GYS2: variants seen among roughly 807,000 people sequenced by gnomAD.
The protein encoded by GYS2 is glycogen [starch] synthase, liver.
In GYS2, 80 loss-of-function variants were observed where a neutral mutation model predicts 85.6. The ratio of observed to expected loss-of-function variants is 0.93; its 90% CI spans 0.78 to 1.13. The LOEUF (loss-of-function observed/expected upper bound fraction) is 1.13, where lower values mean the gene tolerates loss of function less well. Ranked by LOEUF, GYS2 falls within the 50% of genes most tolerant of loss-of-function variation. GYS2 has a pLI of 0.00. For synonymous variants in GYS2, 328 were observed against 300.7 expected, an observed-to-expected ratio of 1.09 and a Z score of -0.94; for missense variants, 881 against 854.9, an observed-to-expected ratio of 1.03 and a Z score of -0.38.
At chr12:21,578,403 A>C (rs1451522499) in intron 2 of GYS2, among the ~76,000 whole-genome samples, 4 of 152,160 alleles carry the variant, frequency 2.6e-5, no homozygotes, top group Non-Finnish European at 5.9e-5. Context: ...GGTCAAATTA[A>C]ACAACACTGG....
intron 11 of GYS2, among the ~76,000 whole-genome samples, chr12:21,552,875 T>C (rs1245968315): frequency 6.6e-6 from 1 of 152,190 alleles, no homozygotes; most frequent in Non-Finnish European, 1.5e-5. Context: ...ATAAAACGTC[T>C]TACCAAATCC....
chr12:21,539,301 G>A lies in GYS2; in HGVS notation c.1847C>T (p.Ala616Val), dbSNP rs988648352. The A allele has an allele frequency of 4.4e-6, 7 of 1,606,534 alleles. No individual in the cohort carries two copies. Among genetic ancestry groups the A allele is most frequent in the Admixed American group, 1.7e-5 (1 of 59,984 alleles). ...QHARHLTLSR[A>V]FPDKFHVELT... is the part of the protein sequence containing the mutation. ...TTCCACATGGAATTTATCTGGAAAAGCTCTGCTTAATGTCAGGTGTCTGGC... is the reference window on the plus strand; with the variant it reads ...TTCCACATGGAATTTATCTGGAAAAACTCTGCTTAATGTCAGGTGTCTGGC... The change falls in exon 15 of 16, where the codon GCT becomes GTT. Residue 616 changes from alanine to valine, a missense_variant. Transcript: ENST00000261195.
intron 11 of GYS2, among the ~76,000 whole-genome samples, chr12:21,548,711 TAA>T (rs1363310737): frequency 6.6e-6 from 1 of 152,118 alleles, no homozygotes; most frequent in Non-Finnish European, 1.5e-5. Context: ...GCTGTGAACC[TAA>T]AACTGTTCTA....
chr12:21,545,931 T>C (rs926917528), intron 12 of GYS2, among the ~76,000 whole-genome samples: 5 of 152,230 alleles, frequency 3.3e-5, no homozygotes, highest in Admixed American at 2.6e-4. Context: ...AAAAGAATTA[T>C]TCTAAAATAA....
Position 21,558,272 on chromosome 12 carries a change from A to G in GYS2, c.1350T>C (p.Asp450=), listed in dbSNP as rs1176341942. 6.2e-7 allele frequency: 1 copy of G among 1,613,900 alleles called. No individual in the cohort carries two copies. The highest frequency in any genetic ancestry group is 8.5e-7 in the Non-Finnish European group (1 of 1,179,888). ...LPPVTTHNMI[D]DSTDPILSTI... ...TGCTGAGGATGGGGTCGGTGGAGTC[A>G]TCAATCATGTTGTGCGTGGTCACTG... The change falls in exon 11 of 16, where the codon GAT becomes GAC. Residue 450 remains aspartate (D), a synonymous_variant. Coordinates refer to ENST00000261195, the MANE Select transcript of GYS2 (RefSeq NM_021957.4).
intron 1 of GYS2, among the ~76,000 whole-genome samples, chr12:21,592,236 AAAAAC>A (rs1171515752): frequency 2.0e-5 from 3 of 152,042 alleles, no homozygotes; most frequent in Non-Finnish European, 4.4e-5. Context: ...AAACTAAAAA[AAAAAC>A]AAAACAACCA....
intron 11 of GYS2, among the ~76,000 whole-genome samples, chr12:21,547,526 C>T: frequency 6.6e-6 from 1 of 152,110 alleles, no homozygotes; most frequent in East Asian, 1.9e-4. Flanking sequence ...TCTGAAAATA[C>T]TACATGATGT....
chr12:21,590,424 C>T (rs1176488690), intron 1 of GYS2, among the ~76,000 whole-genome samples: 1 of 152,226 alleles, frequency 6.6e-6, no homozygotes, highest in Non-Finnish European at 1.5e-5. Flanking sequence ...GATGGGCCTA[C>T]CCAATCTGCC....
intron 7 of GYS2, among the ~76,000 whole-genome samples, chr12:21,561,610 C>G (rs1002346414): frequency 2.0e-5 from 3 of 152,156 alleles, no homozygotes; most frequent in African/African-American, 7.2e-5. Flanking sequence ...TTCTTCATAT[C>G]TATAAATAAA....
chr12:21,580,245 G>T, intron 2 of GYS2, 97 bp downstream of exon 2: 2 of 1,108,150 alleles, frequency 1.8e-6, no homozygotes, highest in Non-Finnish European at 2.7e-6. Context: ...TTTTCCTTAA[G>T]TAAGTGAATG....
At chr12:21,564,631 G>A (rs1944296459) in intron 5 of GYS2, among the ~76,000 whole-genome samples, 1 of 152,074 alleles carries the variant, frequency 6.6e-6, no homozygotes, top group South Asian at 2.1e-4. Context: ...AGTAGCCAAG[G>A]TTTCCAGTGA....
At chr12:21,583,117 G>T (rs2136917075) in intron 1 of GYS2, among the ~76,000 whole-genome samples, 1 of 152,276 alleles carries the variant, frequency 6.6e-6, no homozygotes, top group South Asian at 2.1e-4. Context: ...TATCACAGTG[G>T]TCCATTACAT....
At chr12:21,551,956 G>A (rs528432116) in intron 11 of GYS2, among the ~76,000 whole-genome samples, 37 of 152,194 alleles carry the variant, frequency 2.4e-4, no homozygotes, top group Admixed American at 6.5e-4. Flanking sequence ...AAACACCATG[G>A]TTCATTTGTT....
At chr12:21,566,786 GTA>G (rs2136889639) in intron 5 of GYS2, among the ~76,000 whole-genome samples, 1 of 152,204 alleles carries the variant, frequency 6.6e-6, no homozygotes, top group Non-Finnish European at 1.5e-5. Flanking sequence ...AGCTAGTAAC[GTA>G]TACTCAACAT....
intron 1 of GYS2, among the ~76,000 whole-genome samples, chr12:21,582,772 T>A (rs1417026951): frequency 6.6e-6 from 1 of 152,184 alleles, no homozygotes; most frequent in Non-Finnish European, 1.5e-5. Context: ...GGCTGCTTAA[T>A]ATGATTAGAC....
At chr12:21,543,002 G>A (rs1156418886) in intron 12 of GYS2, among the ~76,000 whole-genome samples, 2 of 152,130 alleles carry the variant, frequency 1.3e-5, no homozygotes, top group Admixed American at 1.3e-4. Flanking sequence ...GCAAGTTTAT[G>A]AGGTAGGTTA....
rs1330917823 is a variant in GYS2, at chr12:21,569,000, C to T, written c.688G>A (p.Asp230Asn). The T allele has an allele frequency of 5.6e-6, 9 of 1,613,966 alleles. No homozygotes were observed. Among genetic ancestry groups the T allele is most frequent in the Non-Finnish European group, 7.6e-6 (9 of 1,179,974 alleles). ...ATCTGCCTTTCCCCAGCCTCTTTGT[C>T]AATGTTAAACTGTTAGAAACAAAAA... Reference protein sequence around the residue: ...FYNHLDKFNIDKEAGERQIYH... With the variant: ...FYNHLDKFNINKEAGERQIYH... The change falls in exon 5 of 16, where the codon GAC becomes AAC. Residue 230 changes from aspartate to asparagine, a missense_variant. Transcript: ENST00000261195.
chr12:21,575,273 T>C (rs1010796768), intron 3 of GYS2, among the ~76,000 whole-genome samples: 16 of 152,302 alleles, frequency 1.1e-4, no homozygotes, highest in African/African-American at 3.8e-4. Flanking sequence ...CCCCAGGGTC[T>C]AGTTCCAAAT....
At chr12:21,537,554 G>A (rs1360537726) in intron 15 of GYS2, among the ~76,000 whole-genome samples, 1 of 152,142 alleles carries the variant, frequency 6.6e-6, no homozygotes, top group Non-Finnish European at 1.5e-5. Flanking sequence ...GGTCTGTGAT[G>A]ACTCCAGAAA....
Sources: allele counts gnomAD v4.1 joint callset (sites outside exome capture counted in the v4.1 genomes callset), GRCh38; gene constraint gnomAD v4.1.1; transcripts MANE v1.5; gene names NCBI Gene and HGNC (gene_info 2026-07-23, HGNC 2026-07-21).